The following MICAL3 variants were observed in gnomAD, a reference collection of about 807,000 sequenced individuals.
The protein encoded by MICAL3 is microtubule associated monooxygenase, calponin and LIM domain containing 3, also known as [F-actin]-monooxygenase MICAL3.
A neutral mutation model predicts 207.4 loss-of-function variants in MICAL3; 62 were observed. That is an observed-to-expected ratio of 0.30 (90% CI 0.24 to 0.37). The LOEUF is 0.37. Among genes scored for constraint, MICAL3 ranks in the 10% least tolerant of loss-of-function variants. The probability of loss-of-function intolerance (pLI) is 1.00; values close to 1 mark genes in which losing one functional copy is unlikely to be tolerated. For synonymous variants in MICAL3, 1,077 were observed against 1,069.3 expected (o/e 1.01, Z -0.14); for missense variants, 2,368 against 2,635.6 (o/e 0.90, Z 2.22).
At chr22:17,915,435 ACCT>A (rs1932435237) in intron 1 of MICAL3, among the ~76,000 whole-genome samples, 1 of 152,124 alleles carries the variant, frequency 6.6e-6, no homozygotes, top group South Asian at 2.1e-4. Flanking sequence ...GGAGAGAAAT[ACCT>A]CACGAGATGA....
rs5992923 is a variant in MICAL3 at position 17,962,777 on chromosome 22, C to A, written c.-74-55891G>T. ...AAAAACCAGCTGCTGGTGTTACTCCCTTCTTATCTGTATCCTGTGAAAGGG... is the reference window on the plus strand; with the variant it reads ...AAAAACCAGCTGCTGGTGTTACTCCATTCTTATCTGTATCCTGTGAAAGGG... On this transcript the variant is annotated intron_variant, in intron 1 of 31. Transcript: ENST00000441493. 4.8e-3 allele frequency among the ~76,000 whole-genome samples: 728 copies of A among 150,824 alleles called. 4 individuals are homozygous for A. Among genetic ancestry groups the A allele is most frequent in the African/African-American group, 0.017 (693 of 41,076 alleles).
intron 20 of MICAL3, chr22:17,834,204 C>T (rs1023007994): frequency 2.9e-6 from 3 of 1,046,026 alleles, no homozygotes; most frequent in Non-Finnish European, 3.5e-6. Context: ...ATTATTTGTG[C>T]TCTCTGAGTT....
intron 1 of MICAL3, among the ~76,000 whole-genome samples, chr22:17,954,471 C>T (rs1934515830): frequency 6.6e-6 from 1 of 151,976 alleles, no homozygotes; most frequent in Non-Finnish European, 1.5e-5. Flanking sequence ...TCACCTGGGG[C>T]ATGGGGAGGG....
intron 13 of MICAL3, 53 bp downstream of exon 13, chr22:17,888,981 C>T (rs1010266928): frequency 1.5e-5 from 20 of 1,313,108 alleles, no homozygotes; most frequent in Admixed American, 6.9e-5. Flanking sequence ...GAAGAACAGC[C>T]GGGCCACAGC....
At chr22:17,853,784 C>G (rs1456139986) in intron 19 of MICAL3, among the ~76,000 whole-genome samples, 1 of 152,218 alleles carries the variant, frequency 6.6e-6, no homozygotes, top group Non-Finnish European at 1.5e-5. Context: ...GCTGGGGCCA[C>G]CACCAAAGGG....
At chr22:17,929,568 C>CTTTTTTTTTTTTTTTTTTTTTTTTT (rs67222681) in intron 1 of MICAL3, among the ~76,000 whole-genome samples, 1 of 108,902 alleles carries the variant, frequency 9.2e-6, no homozygotes, top group Non-Finnish European at 1.8e-5. Flanking sequence ...CTTTTCTTTT[C>CTTTTTTTTTTTTTTTTTTTTTTTTT]TTTTTTTTTT....
chr22:17,821,481 C>T lies in MICAL3; in HGVS notation c.3477G>A (p.Arg1159=). ...RGPSQATSPI[R]SPQESALLFI... ...ACAGAAGAGCTGATTCCTGGGGAGA[C>T]CGGATGGGGCTGGTGGCTTGGGAGG... The change falls in exon 25 of 32, where the codon CGG becomes CGA. Residue 1159 remains arginine (R), a synonymous_variant. Transcript: ENST00000441493. 2 of 1,541,722 alleles carry T rather than the reference C, an allele frequency of 1.3e-6. No individual in the cohort carries two copies. The highest frequency in any genetic ancestry group is 8.7e-7 in the Non-Finnish European group (1 of 1,144,882).
At position 17,863,999 on chromosome 22, in the gene MICAL3, C is replaced by G. The variant is rs1926795890; in HGVS notation, c.2605+900G>C. 9.1e-6 allele frequency: 9 copies of G among 985,394 alleles called. No individual in the cohort carries two copies. The South Asian group carries it at 4.2e-4, about 46-fold the overall frequency. The allele number at this position is 985,394 out of a possible 1,614,324, so 61.0% of individuals were successfully genotyped here. On this transcript the variant is annotated intron_variant, in intron 19 of 31. Coordinates refer to ENST00000441493, the MANE Select transcript of MICAL3 (RefSeq NM_015241.3). The stretch of plus-strand genomic sequence containing the variant: ...GCTGGCCCCCTCTTGCCACAGTGAC[C>G]CTGGGCCGTGAACCACCTGGAGCTG...
At chr22:18,002,436 C>T (rs538567692) in intron 1 of MICAL3, among the ~76,000 whole-genome samples, 2 of 152,080 alleles carry the variant, frequency 1.3e-5, no homozygotes, top group South Asian at 4.2e-4. Flanking sequence ...AGCTCGAGGC[C>T]GGCCTTACCA....
intron 1 of MICAL3, among the ~76,000 whole-genome samples, chr22:17,969,331 ACCCGG>A (rs1437012341): frequency 1.3e-5 from 2 of 152,186 alleles, no homozygotes; most frequent in African/African-American, 4.8e-5. Context: ...GAGCCACTGC[ACCCGG>A]CCAAATGAGG....
At chr22:17,944,052 G>A (rs931274983) in intron 1 of MICAL3, among the ~76,000 whole-genome samples, 3 of 152,148 alleles carry the variant, frequency 2.0e-5, no homozygotes, top group Non-Finnish European at 1.5e-5. Context: ...CATCTGCCCA[G>A]TGCTCCCCGC....
At chr22:17,845,052 C>A (rs578000503) in intron 19 of MICAL3, among the ~76,000 whole-genome samples, 3 of 152,314 alleles carry the variant, frequency 2.0e-5, no homozygotes, top group Admixed American at 6.5e-5. Context: ...CCATTTGATT[C>A]TTTCCATCAT....
intron 1 of MICAL3, among the ~76,000 whole-genome samples, chr22:17,953,402 A>G (rs1020267152): frequency 1.3e-5 from 2 of 152,074 alleles, no homozygotes; most frequent in Non-Finnish European, 2.9e-5. Flanking sequence ...TGGGCAATGC[A>G]ATTTGATGTG....
At position 17,790,831 on chromosome 22, in the gene MICAL3, C is replaced by T. The variant is rs746173554; in HGVS notation, c.5910G>A (p.Leu1970=). The T allele has an allele frequency of 3.1e-6, 5 of 1,613,868 alleles. No individual in the cohort carries two copies. Among genetic ancestry groups the T allele is most frequent in the Non-Finnish European group, 8.5e-7 (1 of 1,179,880 alleles). Residue 1970 remains leucine, a synonymous_variant, in exon 32 of 32, where the codon CTG becomes CTA. Transcript: ENST00000441493. ...MLEVVEQRDS[L]VALLEEQRLR... is the part of the protein sequence containing the mutation. Reference sequence around the variant, plus strand: ...GCCGCTGCTCCTCCAGCAGCGCCACCAGTGAGTCTCTCTGCTCCACCACCT... The same window carrying T: ...GCCGCTGCTCCTCCAGCAGCGCCACTAGTGAGTCTCTCTGCTCCACCACCT...
At chr22:17,945,290 C>T (rs569675973) in intron 1 of MICAL3, among the ~76,000 whole-genome samples, 3 of 152,290 alleles carry the variant, frequency 2.0e-5, no homozygotes, top group East Asian at 3.9e-4. Flanking sequence ...CGAGGGCCTG[C>T]GTCTCCTTCA....
chr22:18,016,262 A>G (rs1456834802), intron 1 of MICAL3, among the ~76,000 whole-genome samples: 1 of 152,224 alleles, frequency 6.6e-6, no homozygotes, highest in African/African-American at 2.4e-5. Flanking sequence ...TTTGATTGCT[A>G]TCAACAGTGA....
rs1275967780 is a variant in MICAL3 at position 17,817,442 on chromosome 22, C to A, written c.5219G>T (p.Trp1740Leu). 1 of 1,613,720 alleles carries A rather than the reference C, an allele frequency of 6.2e-7. No homozygotes were observed. Reference sequence around the variant, plus strand: ...CTTGTACCCGGAGAAGACGGACTTCCACAGGGACTTGGGTTTGGCGGCGGC... The same window carrying A: ...CTTGTACCCGGAGAAGACGGACTTCAACAGGGACTTGGGTTTGGCGGCGGC... ...EEAAAKPKSL[W>L]KSVFSGYKKD... The change falls in exon 26 of 32, where the codon TGG becomes TTG. Residue 1740 changes from tryptophan (W) to leucine (L), a missense_variant. Transcript: ENST00000441493.
chr22:17,832,301 C>T (rs1006778899), intron 20 of MICAL3, among the ~76,000 whole-genome samples, 194 bp from the exon 21 acceptor site: 7 of 152,196 alleles, frequency 4.6e-5, no homozygotes, highest in African/African-American at 1.7e-4. Context: ...TACCCAAGCC[C>T]GACTAAGGGG....
At chr22:17,849,644 ATGTGTG>A (rs149239378) in intron 19 of MICAL3, among the ~76,000 whole-genome samples, 2,908 of 79,338 alleles carry the variant, frequency 0.037, 49 homozygotes, top group Middle Eastern at 0.086. Context: ...CCAGAATGGA[ATGTGTG>A]TGTGTGTGTG....
Sources: gnomAD v4.1 joint callset for allele counts (sites outside exome capture counted in the v4.1 genomes callset) on GRCh38, gnomAD v4.1.1 for gene constraint, MANE v1.5 for transcripts, NCBI Gene and HGNC (gene_info 2026-07-23, HGNC 2026-07-21) for gene names.